SEM1: variants seen among roughly 807,000 people sequenced by gnomAD.
SEM1 encodes the protein SEM1 26S proteasome subunit, also known as 26S proteasome complex subunit SEM1.
In SEM1, 3 loss-of-function variants were observed where a neutral mutation model predicts 12.7. The observed-to-expected ratio is 0.24, with a 90% confidence interval of 0.11 to 0.61. The LOEUF is 0.61. Among genes scored for constraint, SEM1 ranks in the 20% least tolerant of loss-of-function variants. The pLI is 0.88. For missense variants in SEM1, 59 were observed against 81.3 expected (o/e 0.73, Z 1.06); for synonymous variants, 30 against 27.8 (o/e 1.08, Z -0.25).
intron 2 of SEM1, among the ~76,000 whole-genome samples, chr7:96,694,209 G>GTTAAGCACAGA (rs1790022149): frequency 1.3e-5 from 2 of 151,958 alleles, no homozygotes; most frequent in African/African-American, 4.8e-5. Flanking sequence ...AACGTGGAAT[G>GTTAAGCACAGA]ACTGCTTAAC....
intron 2 of SEM1, among the ~76,000 whole-genome samples, chr7:96,528,765 A>G (rs757534584): frequency 1.3e-5 from 2 of 152,122 alleles, no homozygotes; most frequent in Non-Finnish European, 2.9e-5. Context: ...TGCAGTCATC[A>G]AGCTCTCCAT....
At chr7:96,547,676 T>G (rs1427671778) in intron 2 of SEM1, among the ~76,000 whole-genome samples, 1 of 152,118 alleles carries the variant, frequency 6.6e-6, no homozygotes, top group African/African-American at 2.4e-5. Flanking sequence ...GCAGCTGTCT[T>G]CAGTTTTACA....
chr7:96,583,643 A>T (rs1806498606), intron 2 of SEM1, among the ~76,000 whole-genome samples: 1 of 150,170 alleles, frequency 6.7e-6, no homozygotes, highest in Non-Finnish European at 1.5e-5. Flanking sequence ...TTGCTTTATG[A>T]ATCTGGGTGC....
chr7:96,580,149 G>A (rs1384532955), intron 2 of SEM1, among the ~76,000 whole-genome samples: 1 of 133,532 alleles, frequency 7.5e-6, no homozygotes, highest in Non-Finnish European at 1.5e-5. Context: ...TCCCCAGAGT[G>A]TGATGTTCCC....
chr7:96,546,857 T>C (rs1805117323), intron 2 of SEM1, among the ~76,000 whole-genome samples: 2 of 152,128 alleles, frequency 1.3e-5, no homozygotes, highest in Non-Finnish European at 2.9e-5. Flanking sequence ...TTCTCAGTGG[T>C]CATTATTCTA....
At chr7:96,614,633 C>G (rs1807646695) in intron 2 of SEM1, among the ~76,000 whole-genome samples, 1 of 152,156 alleles carries the variant, frequency 6.6e-6, no homozygotes, top group Non-Finnish European at 1.5e-5. Context: ...GCCTTAGCTC[C>G]TGGTGTAACA....
At chr7:96,708,915 GA>G (rs1310585693) in intron 1 of SEM1, among the ~76,000 whole-genome samples, 1 of 151,394 alleles carries the variant, frequency 6.6e-6, no homozygotes, top group Non-Finnish European at 1.5e-5. Flanking sequence ...TATCTACAAT[GA>G]AAAAACCAGG....
intron 2 of SEM1, among the ~76,000 whole-genome samples, chr7:96,668,226 C>T (rs532070191): frequency 3.9e-5 from 6 of 152,096 alleles, no homozygotes; most frequent in Non-Finnish European, 8.8e-5. Flanking sequence ...ATTTATATTG[C>T]TGGGTTTTCC....
intron 1 of SEM1, among the ~76,000 whole-genome samples, chr7:96,704,010 C>CACACACACACACACACATAT (rs1390081341): frequency 4.2e-5 from 6 of 143,832 alleles, no homozygotes; most frequent in African/African-American, 1.3e-4. Context: ...CACACACACA[C>CACACACACACACACACATAT]ATACATAAAA....
intron 2 of SEM1, among the ~76,000 whole-genome samples, chr7:96,536,078 C>T (rs1804777322): frequency 6.6e-6 from 1 of 151,944 alleles, no homozygotes; most frequent in Non-Finnish European, 1.5e-5. Context: ...CTCCCACCAA[C>T]AGTGTATAAG....
intron 2 of SEM1, among the ~76,000 whole-genome samples, chr7:96,552,904 G>T (rs1406453107): frequency 6.7e-6 from 1 of 148,906 alleles, no homozygotes; most frequent in Non-Finnish European, 1.5e-5. Flanking sequence ...GTGTGAGATG[G>T]TATCTCATTG....
intron 2 of SEM1, among the ~76,000 whole-genome samples, chr7:96,521,556 C>A (rs1334400902): frequency 6.6e-6 from 1 of 152,104 alleles, no homozygotes; most frequent in Admixed American, 6.6e-5. Context: ...ACCACAGCTG[C>A]CTTTTTTATG....
At chr7:96,589,095 C>G (rs545789211) in intron 2 of SEM1, among the ~76,000 whole-genome samples, 1 of 152,336 alleles carries the variant, frequency 6.6e-6, no homozygotes, top group South Asian at 2.1e-4. Context: ...AGGCTGCACC[C>G]AGGTGTGGGA....
chr7:96,595,473 C>T (rs1806967892), intron 2 of SEM1, among the ~76,000 whole-genome samples: 1 of 152,166 alleles, frequency 6.6e-6, no homozygotes, highest in African/African-American at 2.4e-5. Flanking sequence ...GACTGCGTCA[C>T]TGCACTCCAG....
intron 1 of SEM1, 72 bp downstream of exon 1, chr7:96,709,616 C>T: frequency 6.9e-7 from 1 of 1,444,158 alleles, no homozygotes; most frequent in Non-Finnish European, 9.7e-7. Context: ...TGGGCCCGAG[C>T]ACCCAAGCTA....
At chr7:96,530,222 T>A (rs926899114) in intron 2 of SEM1, among the ~76,000 whole-genome samples, 1 of 152,020 alleles carries the variant, frequency 6.6e-6, no homozygotes, top group Non-Finnish European at 1.5e-5. Flanking sequence ...AATTGACAGC[T>A]GGTGGTGGCA....
intron 2 of SEM1, among the ~76,000 whole-genome samples, chr7:96,523,002 G>C (rs185102892): frequency 3.4e-4 from 51 of 152,034 alleles, no homozygotes; most frequent in Middle Eastern, 3.4e-3. Flanking sequence ...TTGCCAATAG[G>C]CTGCTTCTGC....
At chr7:96,695,522 TACC>T (rs1790064271) in intron 1 of SEM1, 1 of 151,950 alleles carries the variant, frequency 6.6e-6, no homozygotes, top group South Asian at 2.1e-4. Context: ...ACGTACGTAT[TACC>T]ACTATTCTCT....
At chr7:96,626,387 A>G (rs1361755213) in intron 2 of SEM1, among the ~76,000 whole-genome samples, 1 of 152,198 alleles carries the variant, frequency 6.6e-6, no homozygotes, top group Non-Finnish European at 1.5e-5. Context: ...GTAGTATTAC[A>G]TCGTATGTAA....
Sources: gnomAD v4.1 joint callset for allele counts (sites outside exome capture counted in the v4.1 genomes callset) on GRCh38, gnomAD v4.1.1 for gene constraint, MANE v1.5 for transcripts, NCBI Gene and HGNC (gene_info 2026-07-23, HGNC 2026-07-21) for gene names.